UNC79: variants seen among roughly 807,000 people sequenced by gnomAD.
The protein encoded by UNC79 is unc-79 subunit of NALCN channel complex.
In UNC79, 37 loss-of-function variants were observed where a neutral mutation model predicts 283.1. The ratio of observed to expected loss-of-function variants is 0.13; its 90% CI spans 0.10 to 0.17. UNC79 has a LOEUF of 0.17. Ranked by LOEUF, UNC79 falls within the 10% of genes least tolerant of loss-of-function variation. The pLI, the probability that UNC79 is intolerant of heterozygous loss-of-function variation, is 1.00. For missense variants in UNC79, 2,272 were observed against 3,211.1 expected, an observed-to-expected ratio of 0.71 and a Z score of 7.07; for synonymous variants, 1,107 against 1,200.2, an observed-to-expected ratio of 0.92 and a Z score of 1.61.
At chr14:93,636,427 G>C (rs577295682) in intron 31 of UNC79, among the ~76,000 whole-genome samples, 3 of 152,128 alleles carry the variant, frequency 2.0e-5, no homozygotes, top group African/African-American at 7.2e-5. Flanking sequence ...CCGAGCCTAG[G>C]GGAGAGTCTG....
intron 7 of UNC79, among the ~76,000 whole-genome samples, 167 bp downstream of exon 7, chr14:93,497,453 A>G (rs1384440731): frequency 2.0e-5 from 3 of 152,266 alleles, no homozygotes; most frequent in African/African-American, 7.2e-5. Flanking sequence ...GAATTAATTC[A>G]AATCAATTTC....
intron 5 of UNC79, among the ~76,000 whole-genome samples, chr14:93,493,334 G>A (rs1408311884): frequency 1.3e-5 from 2 of 152,138 alleles, no homozygotes; most frequent in African/African-American, 4.8e-5. Context: ...GCTGGAACAT[G>A]CAGGGTGTTG....
At chr14:93,562,714 G>A (rs2062636645) in intron 14 of UNC79, among the ~76,000 whole-genome samples, 1 of 152,156 alleles carries the variant, frequency 6.6e-6, no homozygotes, top group Non-Finnish European at 1.5e-5. Context: ...AGGTGGGAAG[G>A]CCAAACCGAG....
rs562337440 is a variant in UNC79, at chr14:93,646,742, G to A, written c.6083+96G>A. On this transcript the variant is annotated intron_variant, in intron 35 of 48. Coordinates refer to ENST00000555664, the Ensembl canonical transcript of UNC79. ...CACCAGTGTGGGGCTGGGTGCAGTG[G>A]CTCGCGTCTGTAATCTCAGCACTTT... 5.4e-5 allele frequency: 74 copies of A among 1,361,362 alleles called. No individual in the cohort carries two copies. In the African/African-American group the frequency reaches 9.8e-4, roughly 18 times the overall value. 84.3% of individuals were successfully genotyped at this position (1,361,362 alleles called of 1,614,324 possible).
At chr14:93,415,094 G>A (rs1243131028) in intron 1 of UNC79, among the ~76,000 whole-genome samples, 4 of 152,168 alleles carry the variant, frequency 2.6e-5, no homozygotes, top group Admixed American at 6.5e-5. Context: ...TCCCTGTCTT[G>A]TGCCAGTTTT....
chr14:93,398,987 G>A (rs2055051198), intron 1 of UNC79, among the ~76,000 whole-genome samples: 1 of 152,134 alleles, frequency 6.6e-6, no homozygotes, highest in African/African-American at 2.4e-5. Context: ...AGGTTTAATT[G>A]ACTCACAGTT....
intron 7 of UNC79, 86 bp from the exon 8 acceptor site, chr14:93,523,892 A>G: frequency 6.9e-7 from 1 of 1,459,368 alleles, no homozygotes; most frequent in Non-Finnish European, 9.5e-7. Flanking sequence ...TCTGTTTAGA[A>G]AAAAGAAAAT....
At chr14:93,464,497 C>A (rs909152228) in intron 1 of UNC79, 3 of 455,480 alleles carry the variant, frequency 6.6e-6, no homozygotes, top group Admixed American at 4.7e-5. Flanking sequence ...ACTTAATCAC[C>A]CTTTTAAAGG....
intron 1 of UNC79, among the ~76,000 whole-genome samples, chr14:93,462,146 A>G (rs2056983585): frequency 6.6e-6 from 1 of 152,150 alleles, no homozygotes; most frequent in African/African-American, 2.4e-5. Context: ...GGCTCTACTA[A>G]AAATACAAAA....
At chr14:93,707,727 C>T (rs140016647), downstream of UNC79, 1 of 152,320 alleles carries the variant, frequency 6.6e-6, no homozygotes, top group East Asian at 1.9e-4. Flanking sequence ...AGTGTAAGAG[C>T]ACCAAGATTT....
In UNC79 at chr14:93,617,783, T is replaced by C. The variant is rs566174388; in HGVS notation, c.4225-409T>C. ...GGGGGAGGGCGTGGTGGCTCACTGC[T>C]GTAATCCCAGCACTTATGGGAGGCC... On this transcript the variant is annotated intron_variant, in intron 28 of 48. Transcript: ENST00000555664. The surrounding 1 kb of genome is among the most constrained non-coding windows in gnomAD (Gnocchi z 4.5). 1.3e-5 allele frequency among the ~76,000 whole-genome samples: 2 copies of C among 152,130 alleles called. No homozygotes were observed. Among genetic ancestry groups the C allele is most frequent in the African/African-American group, 4.8e-5 (2 of 41,430 alleles).
At chr14:93,439,296 A>C (rs999418552) in intron 1 of UNC79, among the ~76,000 whole-genome samples, 7 of 126,554 alleles carry the variant, frequency 5.5e-5, no homozygotes, top group Non-Finnish European at 1.2e-4. Context: ...TTACTTTAGT[A>C]GGAAAATCTC....
At chr14:93,704,263 T>C (rs2075723798) in intron 47 of UNC79, among the ~76,000 whole-genome samples, 2 of 152,250 alleles carry the variant, frequency 1.3e-5, no homozygotes, top group African/African-American at 4.8e-5. Flanking sequence ...GCCATTCCAC[T>C]CAGACACTCA....
chr14:93,402,295 GA>G lies in UNC79; in HGVS notation c.-350-65372del, dbSNP rs1482461577. Among the ~76,000 whole-genome samples the G allele has an allele frequency of 4.1e-5, 5 of 123,426 alleles. No homozygotes were observed. The South Asian group carries it at 1.0e-3, about 25-fold the overall frequency. The allele number at this position is 123,426 out of a possible 152,430, so 81.0% of individuals were successfully genotyped here. On this transcript the variant is annotated intron_variant, in intron 1 of 49. Coordinates refer to the UNC79 transcript ENST00000256339. ...CTGTCTCAAAAAAAAAAAAAAAAAAGAAAAGAAAAGAAAAAAAAAACCAGCT... is the reference window on the plus strand; with the variant it reads ...CTGTCTCAAAAAAAAAAAAAAAAAAGAAAGAAAAGAAAAAAAAAACCAGCT...
At chr14:93,483,819 T>C (rs1352247991) in intron 4 of UNC79, among the ~76,000 whole-genome samples, 1 of 152,144 alleles carries the variant, frequency 6.6e-6, no homozygotes, top group African/African-American at 2.4e-5. Context: ...GATAGTTTGC[T>C]CAGAATGATG....
intron 7 of UNC79, among the ~76,000 whole-genome samples, chr14:93,503,824 T>C (rs2059411006): frequency 6.6e-6 from 1 of 152,046 alleles, no homozygotes; most frequent in Admixed American, 6.5e-5. Context: ...GTCTTCATAT[T>C]TAATCCTTTT....
intron 1 of UNC79, among the ~76,000 whole-genome samples, chr14:93,376,386 T>G (rs1322163154): frequency 1.3e-5 from 2 of 152,170 alleles, no homozygotes; most frequent in Non-Finnish European, 1.5e-5. Context: ...AAAATGAGCA[T>G]TATTTACTAA....
At chr14:93,351,171 T>C (rs1364736196) in intron 1 of UNC79, among the ~76,000 whole-genome samples, 1 of 152,168 alleles carries the variant, frequency 6.6e-6, no homozygotes, top group African/African-American at 2.4e-5. Context: ...TTTTGGTACT[T>C]GGCTTAAAAA....
chr14:93,459,221 A>T (rs2056877370), intron 1 of UNC79, among the ~76,000 whole-genome samples: 1 of 152,160 alleles, frequency 6.6e-6, no homozygotes. Context: ...CAAACTCCTG[A>T]CCTTGGCCTC....
Sources: gnomAD v4.1 joint callset for allele counts (sites outside exome capture counted in the v4.1 genomes callset) on GRCh38, gnomAD v4.1.1 for gene constraint, Gnocchi (gnomAD v3.1) non-coding constraint, MANE v1.5 for transcripts, NCBI Gene and HGNC (gene_info 2026-07-23, HGNC 2026-07-21) for gene names.